HLA-F: variants seen among roughly 807,000 people sequenced by gnomAD.
The protein encoded by HLA-F is major histocompatibility complex, class I, F, also known as HLA class I histocompatibility antigen, alpha chain F.
Under a neutral mutation model 49.5 loss-of-function variants are expected in HLA-F, and 46 were observed. The ratio of observed to expected loss-of-function variants is 0.93; its 90% CI spans 0.73 to 1.19. The LOEUF is 1.19. HLA-F is among the 50% of genes most tolerant of loss of function. HLA-F has a pLI of 0.00. For synonymous variants in HLA-F, 203 were observed against 233.5 expected, an observed-to-expected ratio of 0.87 and a Z score of 1.19; for missense variants, 496 against 579.6, an observed-to-expected ratio of 0.86 and a Z score of 1.48.
Position 29,723,992 on chromosome 6 carries a change from C to A in HLA-F, c.334+65C>A, listed in dbSNP as rs776444345. 5 of 1,556,682 alleles carry A rather than the reference C, an allele frequency of 3.2e-6. No homozygotes were observed. The African/African-American group carries it at 5.5e-5, about 17-fold the overall frequency. On this transcript the variant is annotated intron_variant, in intron 2 of 6. Transcript: ENST00000259951. ...CCCATCCGCCACGGACCGCCCGGGT[C>A]CCTCAGAGTCTCCGGATCCGAAATC...
At chr6:29,737,547 T>C (rs1199369268) in intron 3 of HLA-F, among the ~76,000 whole-genome samples, 2 of 152,232 alleles carry the variant, frequency 1.3e-5, no homozygotes, top group Non-Finnish European at 2.9e-5. Context: ...GCTGGGGCAG[T>C]TGATGGGGCT....
chr6:29,725,761 G>T (rs1490934528), intron 5 of HLA-F, among the ~76,000 whole-genome samples, 198 bp downstream of exon 5: 1 of 152,202 alleles, frequency 6.6e-6, no homozygotes, highest in African/African-American at 2.4e-5. Flanking sequence ...TCACTTCGAT[G>T]ATTATGGTGG....
At chr6:29,724,039 G>C (rs946859710) in intron 2 of HLA-F, 112 bp downstream of exon 2, 19 of 1,545,418 alleles carry the variant, frequency 1.2e-5, no homozygotes, top group Non-Finnish European at 1.7e-5. Flanking sequence ...AGCGGGACCC[G>C]CCCAGACCCT....
intron 3 of HLA-F, among the ~76,000 whole-genome samples, chr6:29,737,422 A>G (rs144026054): frequency 4.6e-5 from 7 of 152,290 alleles, no homozygotes; most frequent in African/African-American, 1.7e-4. Flanking sequence ...TATACTCTTA[A>G]AGGTAAAACT....
chr6:29,725,333 G>C (rs1775913165), intron 4 of HLA-F, 27 bp downstream of exon 4: 1 of 1,613,668 alleles, frequency 6.2e-7, no homozygotes, highest in Non-Finnish European at 8.5e-7. Context: ...GTAAAGAGGG[G>C]AACGAGGGGT....
chr6:29,725,838 A>G (rs1213805283), intron 5 of HLA-F, among the ~76,000 whole-genome samples, 173 bp from the exon 6 acceptor site: 1 of 152,190 alleles, frequency 6.6e-6, no homozygotes, highest in Non-Finnish European at 1.5e-5. Flanking sequence ...AGACCTCAGG[A>G]GGGCAGTTGG....
chr6:29,737,911 G>A (rs2735051), intron 3 of HLA-F: 57,727 of 152,128 alleles, frequency 0.38, 11,092 homozygotes, highest in Non-Finnish European at 0.42. Flanking sequence ...TGAGGGAAAA[G>A]CCTGGCCCCA....
At chr6:29,738,373 T>C (rs1777297836) in intron 4 of HLA-F, 1 of 152,184 alleles carries the variant, frequency 6.6e-6, no homozygotes, top group Non-Finnish European at 1.5e-5. Context: ...TCTTCAATTC[T>C]AGGGAGGACT....
chr6:29,726,270 G>C (rs1354502140), intron 6 of HLA-F: 8 of 1,044,472 alleles, frequency 7.7e-6, no homozygotes, highest in Non-Finnish European at 1.1e-5. Flanking sequence ...GGGGTGTTGG[G>C]GGGGAACAGA....
chr6:29,727,184 AAAGT>A lies in HLA-F; in HGVS notation c.*14_*17del, dbSNP rs1562295998. On this transcript the variant is annotated 3_prime_UTR_variant, in exon 7 of 7. Transcript: ENST00000259951. ...TTAAGATTTTTGACTGAGTCATTCT[AAAGT>A]AAGTTGCAAGACCCATGATACTAGA... 6.4e-7 allele frequency: 1 copy of A among 1,561,514 alleles called. No homozygotes were observed. Among genetic ancestry groups the A allele is most frequent in the East Asian group, 2.2e-5 (1 of 44,706 alleles).
In HLA-F at chr6:29,725,272, C is replaced by A. The variant is rs374197706; in HGVS notation, c.852C>A (p.His284Gln). Residue 284 changes from histidine (H) to glutamine (Q), a missense_variant, in exon 4 of 7, where the codon CAC becomes CAA. Coordinates refer to ENST00000259951, the MANE Select transcript of HLA-F (RefSeq NM_001098479.2). ...AGAGATACACATGCCATGTGCAGCA[C>A]GAGGGGCTGCCCCAGCCCCTCATCC... ...EEQRYTCHVQ[H>Q]EGLPQPLILR... 1 of 1,614,130 alleles carries A rather than the reference C, an allele frequency of 6.2e-7. No individual in the cohort carries two copies. The highest frequency in any genetic ancestry group is 1.1e-5 in the South Asian group (1 of 91,084).
chr6:29,731,722 C>T (rs1776633774), downstream of HLA-F, among the ~76,000 whole-genome samples: 2 of 147,836 alleles, frequency 1.4e-5, no homozygotes, highest in Admixed American at 6.7e-5. Flanking sequence ...ATCCCTTAAC[C>T]CAGTCAATAT....
downstream of HLA-F, among the ~76,000 whole-genome samples, chr6:29,729,742 T>G (rs1214790149): frequency 6.6e-6 from 1 of 152,226 alleles, no homozygotes; most frequent in African/African-American, 2.4e-5. Context: ...ATTTGCCAAT[T>G]ATATACCTGA....
downstream of HLA-F, among the ~76,000 whole-genome samples, chr6:29,729,664 A>G (rs965335485): frequency 1.3e-5 from 2 of 152,224 alleles, no homozygotes; most frequent in Non-Finnish European, 2.9e-5. Context: ...AAAATTTAAA[A>G]ACCTTTTTTA....
downstream of HLA-F, chr6:29,727,833 C>A (rs17875387): frequency 0.03 from 12,779 of 430,780 alleles, 548 homozygotes; most frequent in African/African-American, 0.14. Flanking sequence ...TTCCCCATAC[C>A]CTGAGGTTCT....
In HLA-F at chr6:29,725,196, A is replaced by G. The variant is rs1364314141; in HGVS notation, c.776A>G (p.Asp259Gly). The change falls in exon 4 of 7, where the codon GAT becomes GGT. Residue 259 changes from aspartate (D) to glycine (G), a missense_variant. Transcript: ENST00000259951. ...TELVETRPAG[D>G]GTFQKWAAVV... is the part of the protein sequence containing the mutation. ...CTTGTGGAGACCAGGCCTGCAGGGG[A>G]TGGAACCTTCCAGAAGTGGGCCGCT... is the stretch of plus-strand genomic sequence containing the variant. The G allele has an allele frequency of 6.2e-7, 1 of 1,614,120 alleles. No individual in the cohort carries two copies. Among genetic ancestry groups the G allele is most frequent in the Non-Finnish European group, 8.5e-7 (1 of 1,180,028 alleles).
Position 29,727,127 on chromosome 6 carries a change from T to C in HLA-F, c.1281T>C (p.Arg427=). 6.2e-7 allele frequency: 1 copy of C among 1,607,666 alleles called. No individual in the cohort carries two copies. The highest frequency in any genetic ancestry group is 8.5e-7 in the Non-Finnish European group (1 of 1,178,686). Residue 427 remains arginine, a synonymous_variant, in exon 7 of 7, where the codon CGT becomes CGC. Transcript: ENST00000259951. ...GGAGGGGCAGGAGCTTCCTTCTTCG[T>C]TCTTGGCACCATCTTATGAAAAGGG... The part of the protein sequence containing the change: ...GFRRGRSFLL[R]SWHHLMKRVQ...
downstream of HLA-F, chr6:29,728,384 C>G (rs970432063): frequency 1.3e-5 from 4 of 310,130 alleles, no homozygotes; most frequent in Non-Finnish European, 2.6e-5. Context: ...AGACTGCATG[C>G]AGAAGTGATG....
intron 6 of HLA-F, 29 bp downstream of exon 6, chr6:29,726,072 T>A: frequency 6.2e-7 from 1 of 1,608,132 alleles, no homozygotes; most frequent in Middle Eastern, 1.7e-4. Context: ...ATCCCTGAGA[T>A]TGTTGGGATA....
Sources: gnomAD v4.1 joint callset for allele counts (sites outside exome capture counted in the v4.1 genomes callset) on GRCh38, gnomAD v4.1.1 for gene constraint, MANE v1.5 for transcripts, NCBI Gene and HGNC (gene_info 2026-07-23, HGNC 2026-07-21) for gene names.